ERG: variants seen among roughly 807,000 people sequenced by gnomAD.
ERG encodes the protein transcriptional regulator ERG.
Under a neutral mutation model 55.3 loss-of-function variants are expected in ERG, and 9 were observed. The ratio of observed to expected loss-of-function variants is 0.16; its 90% CI spans 0.10 to 0.28. The LOEUF is 0.28. Ranked by LOEUF, ERG falls within the 10% of genes least tolerant of loss-of-function variation. The pLI, the probability that ERG is intolerant of heterozygous loss-of-function variation, is 1.00. For missense variants in ERG, 434 were observed against 631.6 expected (o/e 0.69, Z 3.35); for synonymous variants, 223 against 237.3 (o/e 0.94, Z 0.55).
downstream of ERG, among the ~76,000 whole-genome samples, chr21:38,379,699 C>G (rs1350412332): frequency 6.6e-6 from 1 of 152,054 alleles, no homozygotes. Context: ...AAAAGTTTAT[C>G]TAGTTGTTTC....
chr21:38,455,868 T>TGGC (rs2058983617), intron 1 of ERG, among the ~76,000 whole-genome samples: 1 of 130,644 alleles, frequency 7.7e-6, no homozygotes, highest in African/African-American at 2.8e-5. Context: ...ATTGGTACGG[T>TGGC]CCCCCCCCTC....
intron 2 of ERG, among the ~76,000 whole-genome samples, chr21:38,528,739 C>T (rs1267656582): frequency 5.0e-5 from 2 of 39,858 alleles, no homozygotes; most frequent in Non-Finnish European, 7.9e-5. Flanking sequence ...TGAGCCACCG[C>T]GCCCGGCCCA....
intron 1 of ERG, among the ~76,000 whole-genome samples, chr21:38,497,871 C>T (rs2059392369): frequency 6.6e-6 from 1 of 152,186 alleles, no homozygotes; most frequent in African/African-American, 2.4e-5. Context: ...CATTTGCGTC[C>T]CATTACCAGC....
chr21:38,528,437 T>TGTAAACATAAC (rs1568885405), intron 2 of ERG, among the ~76,000 whole-genome samples: 1 of 28,904 alleles, frequency 3.5e-5, no homozygotes. Context: ...AGCAAACTTT[T>TGTAAACATAAC]TTTTTTTTTT....
At chr21:38,459,588 G>T (rs2059022037) in intron 1 of ERG, among the ~76,000 whole-genome samples, 1 of 152,152 alleles carries the variant, frequency 6.6e-6, no homozygotes, top group African/African-American at 2.4e-5. Flanking sequence ...CCCTAAACTG[G>T]TTATTCCACA....
chr21:38,427,883 T>C (rs1168379120), intron 2 of ERG, among the ~76,000 whole-genome samples: 1 of 152,140 alleles, frequency 6.6e-6, no homozygotes, highest in Non-Finnish European at 1.5e-5. Flanking sequence ...TTCAGAGATA[T>C]CTGCTTTACT....
chr21:38,452,193 A>G (rs1407356434), intron 1 of ERG, among the ~76,000 whole-genome samples: 1 of 152,226 alleles, frequency 6.6e-6, no homozygotes, highest in Non-Finnish European at 1.5e-5. Flanking sequence ...TCACAACACT[A>G]GTCCAGTGCT....
intron 2 of ERG, among the ~76,000 whole-genome samples, chr21:38,565,549 A>G (rs2059917687): frequency 6.6e-6 from 1 of 152,180 alleles, no homozygotes; most frequent in African/African-American, 2.4e-5. Flanking sequence ...CCGTTACTTG[A>G]AAGTGCCAGG....
chr21:38,605,025 T>C (rs2060188405), intron 1 of ERG, among the ~76,000 whole-genome samples: 1 of 152,226 alleles, frequency 6.6e-6, no homozygotes, highest in African/African-American at 2.4e-5. Flanking sequence ...TGAAATATTT[T>C]TCTCCATCTG....
chr21:38,536,808 G>T (rs953803850), intron 2 of ERG, among the ~76,000 whole-genome samples: 1 of 152,128 alleles, frequency 6.6e-6, no homozygotes, highest in Non-Finnish European at 1.5e-5. Context: ...ATTTCTTTTT[G>T]CAAGTTAAGT....
Position 38,382,765 on chromosome 21 carries a change from G to A in ERG, c.*638C>T. The A allele has an allele frequency of 9.4e-7, 1 of 1,066,124 alleles. No individual in the cohort carries two copies. Among genetic ancestry groups the A allele is most frequent in the Non-Finnish European group, 1.1e-6 (1 of 879,570 alleles). 66.0% of individuals were successfully genotyped at this position (1,066,124 alleles called of 1,614,324 possible). A position where few individuals can be genotyped will look rare whatever the true frequency, so the allele number is the denominator to read the frequency against. On this transcript the variant is annotated 3_prime_UTR_variant, in exon 10 of 10. Transcript: ENST00000288319. ...CCTCAGTCCCACCTTTTAGTTCATA[G>A]TCCCGGTAATACTGTAAAGGAGTTG...
intron 2 of ERG, among the ~76,000 whole-genome samples, chr21:38,427,530 G>C (rs1271017933): frequency 6.6e-6 from 1 of 152,192 alleles, no homozygotes; most frequent in Non-Finnish European, 1.5e-5. Flanking sequence ...AACACAAGGG[G>C]CTGGCTCCAG....
intron 1 of ERG, among the ~76,000 whole-genome samples, chr21:38,584,052 T>A (rs1269899370): frequency 1.3e-5 from 2 of 152,204 alleles, no homozygotes; most frequent in African/African-American, 4.8e-5. Flanking sequence ...AAGAGCCACA[T>A]CCATTTTAAT....
rs1987442855 is a variant in ERG at position 38,381,684 on chromosome 21, G to A, written c.*1719C>T. ...AACAAATGTATTTTAATCATAGCAG[G>A]AATTAAGGGTGATTTGTGACCAGGT... On this transcript the variant is annotated 3_prime_UTR_variant, in exon 10 of 10. Transcript: ENST00000288319. 9.4e-7 allele frequency: 1 copy of A among 1,063,558 alleles called. No individual in the cohort carries two copies. Among genetic ancestry groups the A allele is most frequent in the Admixed American group, 5.4e-5 (1 of 18,660 alleles). 65.9% of individuals were successfully genotyped at this position (1,063,558 alleles called of 1,614,324 possible).
At chr21:38,410,443 T>C (rs1988991300) in intron 3 of ERG, among the ~76,000 whole-genome samples, 1 of 152,236 alleles carries the variant, frequency 6.6e-6, no homozygotes, top group African/African-American at 2.4e-5. Flanking sequence ...ATTTGTATCT[T>C]AAGTTACATG....
chr21:38,465,314 A>G (rs1427495682), intron 1 of ERG, among the ~76,000 whole-genome samples: 1 of 152,236 alleles, frequency 6.6e-6, no homozygotes, highest in Admixed American at 6.5e-5. Flanking sequence ...AAAAGACTAC[A>G]TATTATATGA....
chr21:38,622,546 C>T (rs996493980), intron 1 of ERG, among the ~76,000 whole-genome samples: 1 of 148,174 alleles, frequency 6.7e-6, no homozygotes, highest in Admixed American at 6.7e-5. Context: ...CACCATACCA[C>T]GCACATACAC....
At chr21:38,445,293 GC>G in intron 2 of ERG, 110 bp downstream of exon 2, 1 of 808,734 alleles carries the variant, frequency 1.2e-6, no homozygotes, top group East Asian at 2.7e-5. Flanking sequence ...AGGCACAGTG[GC>G]CTTGCTTTCT....
chr21:38,381,166 G>A lies in ERG; in HGVS notation c.*2237C>T. 2 of 1,065,360 alleles carry A rather than the reference G, an allele frequency of 1.9e-6. No homozygotes were observed. Among genetic ancestry groups the A allele is most frequent in the East Asian group, 5.0e-5 (1 of 20,078 alleles). The allele number at this position is 1,065,360 out of a possible 1,614,324, so 66.0% of individuals were successfully genotyped here. On this transcript the variant is annotated 3_prime_UTR_variant, in exon 10 of 10. Coordinates refer to ENST00000288319, the MANE Select transcript of ERG (RefSeq NM_182918.4). Reference sequence around the variant, plus strand: ...CCACTGCCAAAACATCCACAGCACAGAGGTTTGGCAACTTCACATAATCAT... The same window carrying A: ...CCACTGCCAAAACATCCACAGCACAAAGGTTTGGCAACTTCACATAATCAT...
Sources: allele counts gnomAD v4.1 joint callset (sites outside exome capture counted in the v4.1 genomes callset), GRCh38; gene constraint gnomAD v4.1.1; transcripts MANE v1.5; gene names NCBI Gene and HGNC (gene_info 2026-07-23, HGNC 2026-07-21).